UTY: variants seen among roughly 807,000 people sequenced by gnomAD.
The protein encoded by UTY is histone demethylase UTY.
In UTY, 12 loss-of-function variants were observed where a neutral mutation model predicts 32.5. The ratio of observed to expected loss-of-function variants is 0.37; its 90% CI spans 0.24 to 0.60. UTY has a LOEUF of 0.60. UTY is among the 20% of genes least tolerant of loss of function. The pLI is 0.69. For missense variants in UTY, 303 were observed against 299.2 expected, an observed-to-expected ratio of 1.01 and a Z score of -0.09; for synonymous variants, 131 against 103.4, an observed-to-expected ratio of 1.27 and a Z score of -1.62.
chrY:13,438,051 A>G (rs2074816730), intron 4 of UTY, among the ~76,000 whole-genome samples: 1 of 32,610 alleles, frequency 3.1e-5, no homozygotes, highest in African/African-American at 1.2e-4. Context: ...CCATGTGTAC[A>G]CTCCCTACAG....
At chrY:13,273,822 T>C in intron 27 of UTY, among the ~76,000 whole-genome samples, 1 of 31,355 alleles carries the variant, frequency 3.2e-5, no homozygotes, top group Admixed American at 3.0e-4. Context: ...ATCACAGCAA[T>C]ATATTATATA....
At chrY:13,404,790 A>G (rs752038573) in intron 6 of UTY, among the ~76,000 whole-genome samples, 1 of 33,305 alleles carries the variant, frequency 3.0e-5, no homozygotes, top group East Asian at 7.7e-4. Context: ...TGATCCGGCT[A>G]TAGAGAAAGG....
At chrY:13,422,169 T>C in intron 4 of UTY, among the ~76,000 whole-genome samples, 4 of 33,586 alleles carry the variant, frequency 1.2e-4, no homozygotes, top group Non-Finnish European at 3.0e-4. Context: ...ATGTCAACCA[T>C]TTAAATTAGA....
chrY:13,429,337 T>C (rs756534367), intron 4 of UTY, among the ~76,000 whole-genome samples: 43 of 33,370 alleles, frequency 1.3e-3, no homozygotes, highest in South Asian at 7.9e-3. Context: ...GGTTGAGGTA[T>C]GTTCCTTCAT....
Position 13,336,267 on chromosome Y carries a change from C to A in UTY, c.2130G>T (p.Gly710=). Residue 710 remains glycine, a synonymous_variant, in exon 18 of 30, where the codon GGG becomes GGT. Coordinates refer to ENST00000545955, the MANE Select transcript of UTY (RefSeq NM_001258249.2). ...TAGTTGCCTGGTGATACTGGGCTGA[C>A]CCAGTGGAAAACAGAGGTTGTTCTT... ...PNEEQPLFST[G]SAQYHQATST... 1 of 397,893 alleles carries A rather than the reference C, an allele frequency of 2.5e-6. No individual in the cohort carries two copies. Among genetic ancestry groups the A allele is most frequent in the Non-Finnish European group, 3.5e-6 (1 of 283,304 alleles).
intron 4 of UTY, among the ~76,000 whole-genome samples, chrY:13,442,228 T>C (rs2075263366): frequency 8.9e-5 from 3 of 33,583 alleles, no homozygotes; most frequent in African/African-American, 3.5e-4. Context: ...TAACTGTTAT[T>C]TAGAAATTGA....
intron 18 of UTY, among the ~76,000 whole-genome samples, chrY:13,334,519 T>G: frequency 3.0e-5 from 1 of 33,038 alleles, no homozygotes; most frequent in Non-Finnish European, 7.4e-5. Context: ...ACCAAAAAGC[T>G]CCATCAAAAT....
rs761889863 is a variant in UTY at position 13,297,866 on chromosome Y, A to G, written c.3869-18T>C. The stretch of plus-strand genomic sequence containing the variant: ...CTGGCAGGCTAGAAGGAAAAAAGCA[A>G]CAGTCATAAAGTAACCCAAAGTAAT... On this transcript the variant is annotated intron_variant, in intron 26 of 29. Transcript: ENST00000545955. 1 of 375,833 alleles carries G rather than the reference A, an allele frequency of 2.7e-6. No homozygotes were observed. The highest frequency in any genetic ancestry group is 3.1e-5 in the South Asian group (1 of 32,770). 93.7% of individuals were successfully genotyped at this position (375,833 alleles called of 400,897 possible). A position where few individuals can be genotyped will look rare whatever the true frequency, so the allele number is the denominator to read the frequency against.
At chrY:13,359,016 C>G in intron 13 of UTY, 72 bp downstream of exon 13, 1 of 355,833 alleles carries the variant, frequency 2.8e-6, no homozygotes, top group East Asian at 1.0e-4. Context: ...GTGAAATAAA[C>G]TTGATTACTG....
rs79674830 is a variant in UTY at position 13,426,607 on chromosome Y, A to G, written c.376-11814T>C. 0.01 allele frequency among the ~76,000 whole-genome samples: 351 copies of G among 33,567 alleles called. No homozygotes were observed. The East Asian group carries it at 0.26, about 24-fold the overall frequency. The allele number at this position is 33,567 out of a possible 37,273, so 90.1% of individuals were successfully genotyped here. On this transcript the variant is annotated intron_variant, in intron 4 of 29. Transcript: ENST00000545955. Reference sequence around the variant, plus strand: ...AGGGAAAAAAGAAATATCGCATTCAATAGAGCCCCAATATAACTTTAAGCA... The same window carrying G: ...AGGGAAAAAAGAAATATCGCATTCAGTAGAGCCCCAATATAACTTTAAGCA...
At chrY:13,456,504 T>A (rs755488540) in intron 3 of UTY, among the ~76,000 whole-genome samples, 2 of 32,290 alleles carry the variant, frequency 6.2e-5, no homozygotes, top group African/African-American at 2.4e-4. Flanking sequence ...GACTTGCACC[T>A]GTAGTTCCAG....
chrY:13,349,889 C>A, intron 17 of UTY, among the ~76,000 whole-genome samples: 3 of 33,589 alleles, frequency 8.9e-5, no homozygotes, highest in African/African-American at 3.5e-4. Flanking sequence ...TTCTGCCCAC[C>A]CTTACCGCCC....
At chrY:13,426,762 G>C (rs2073343121) in intron 4 of UTY, among the ~76,000 whole-genome samples, 1 of 31,865 alleles carries the variant, frequency 3.1e-5, no homozygotes, top group Non-Finnish European at 7.7e-5. Context: ...AGAAAGAAAA[G>C]TCTATCCCAG....
At chrY:13,455,036 G>A (rs1030614932) in intron 3 of UTY, among the ~76,000 whole-genome samples, 39 of 27,853 alleles carry the variant, frequency 1.4e-3, no homozygotes, top group Non-Finnish European at 2.5e-3. Context: ...AAAGAATCCA[G>A]ACACAAAAGG....
chrY:13,327,685 C>T (rs2060341487), intron 18 of UTY, among the ~76,000 whole-genome samples: 1 of 33,139 alleles, frequency 3.0e-5, no homozygotes, highest in Non-Finnish European at 7.4e-5. Context: ...CATAATGACC[C>T]ATAGGTTTAG....
In UTY at chrY:13,479,988, G is replaced by A. The variant is rs2079564257; in HGVS notation, c.-323C>T. Reference sequence around the variant, plus strand: ...CGGGCGAACCCCACGCAGCCGCCGCGACCTCCCCGCTCCCAACCACTTAGT... The same window carrying A: ...CGGGCGAACCCCACGCAGCCGCCGCAACCTCCCCGCTCCCAACCACTTAGT... On this transcript the variant is annotated 5_prime_UTR_variant, in exon 1 of 30. Coordinates refer to ENST00000545955, the MANE Select transcript of UTY (RefSeq NM_001258249.2). The A allele has an allele frequency of 1.1e-5, 1 of 93,814 alleles. No homozygotes were observed. The highest frequency in any genetic ancestry group is 1.0e-4 in the African/African-American group (1 of 9,853). The allele number at this position is 93,814 out of a possible 400,897, so 23.4% of individuals were successfully genotyped here. A position where few individuals can be genotyped will look rare whatever the true frequency, so the allele number is the denominator to read the frequency against.
At chrY:13,451,356 G>A (rs2076300524) in intron 3 of UTY, among the ~76,000 whole-genome samples, 1 of 32,314 alleles carries the variant, frequency 3.1e-5, no homozygotes, top group South Asian at 7.0e-4. Flanking sequence ...AAAGCGTTGC[G>A]CAAATGAGTA....
intron 9 of UTY, among the ~76,000 whole-genome samples, chrY:13,368,147 G>C (rs2064422403): frequency 4.1e-5 from 1 of 24,139 alleles, no homozygotes; most frequent in Non-Finnish European, 9.5e-5. Flanking sequence ...CTGACTGCAA[G>C]CTCCGCCTCC....
intron 20 of UTY, among the ~76,000 whole-genome samples, 161 bp downstream of exon 20, chrY:13,324,440 C>T: frequency 3.0e-5 from 1 of 33,099 alleles, no homozygotes; most frequent in Non-Finnish European, 7.4e-5. Context: ...GCTAAAGATG[C>T]TTGCTCATGC....
Sources: gnomAD v4.1 joint callset for allele counts (sites outside exome capture counted in the v4.1 genomes callset) on GRCh38, gnomAD v4.1.1 for gene constraint, MANE v1.5 for transcripts, NCBI Gene and HGNC (gene_info 2026-07-23, HGNC 2026-07-21) for gene names.